Variants in NASP observed in about 807,000 individuals in gnomAD.
The protein encoded by NASP is nuclear autoantigenic sperm protein.
A neutral mutation model predicts 89.5 loss-of-function variants in NASP; 24 were observed. The ratio of observed to expected loss-of-function variants is 0.27; its 90% CI spans 0.19 to 0.38. The LOEUF is 0.38. Among genes scored for constraint, NASP ranks in the 10% least tolerant of loss-of-function variants. The probability of loss-of-function intolerance (pLI) is 1.00; values close to 1 mark genes in which losing one functional copy is unlikely to be tolerated. For missense variants in NASP, 848 were observed against 921.4 expected (o/e 0.92, Z 1.03); for synonymous variants, 306 against 324.7 (o/e 0.94, Z 0.62).
At chr1:45,584,601 GA>G (rs1423981911) in intron 1 of NASP, among the ~76,000 whole-genome samples, 1 of 140,876 alleles carries the variant, frequency 7.1e-6, no homozygotes, top group East Asian at 2.2e-4. Flanking sequence ...GATAACCCGG[GA>G]ATATAACCAA....
intron 1 of NASP, among the ~76,000 whole-genome samples, chr1:45,586,300 T>TGTG (rs1644548096): frequency 1.7e-5 from 2 of 116,674 alleles, no homozygotes; most frequent in Admixed American, 8.6e-5. Flanking sequence ...TGTGTGTGTG[T>TGTG]GTGTGTGTGG....
chr1:45,604,262 C>T (rs1357883798), intron 3 of NASP, among the ~76,000 whole-genome samples: 2 of 152,160 alleles, frequency 1.3e-5, no homozygotes, highest in Non-Finnish European at 2.9e-5. Flanking sequence ...AGTACTTTCT[C>T]CTTTTGTTCA....
At chr1:45,590,743 T>A (rs1643526725) in intron 1 of NASP, among the ~76,000 whole-genome samples, 1 of 150,322 alleles carries the variant, frequency 6.7e-6, no homozygotes, top group South Asian at 2.1e-4. Flanking sequence ...GACATTGTAT[T>A]TAAAAAAACC....
At chr1:45,595,129 TTGTGTGTGTGTGTGTGTGTGTGTGTG>T (rs57391869) in intron 2 of NASP, among the ~76,000 whole-genome samples, 140 of 111,868 alleles carry the variant, frequency 1.3e-3, no homozygotes, top group Middle Eastern at 9.1e-3. Flanking sequence ...AGACTAAGTT[TTGTGTGTGTGTGTGTGTGTGTGTGTG>T]TGTGTGTGTG....
chr1:45,597,398 A>G (rs927732195), intron 2 of NASP, among the ~76,000 whole-genome samples: 1 of 147,994 alleles, frequency 6.8e-6, no homozygotes, highest in African/African-American at 2.5e-5. Context: ...CTGTTTAAAT[A>G]TTCTGTTTCC....
At chr1:45,617,215 C>T in intron 13 of NASP, 1 of 425,034 alleles carries the variant, frequency 2.4e-6, no homozygotes, top group Admixed American at 4.2e-5. Context: ...GATTACCATT[C>T]ACATCTCCTC....
intron 2 of NASP, 93 bp from the exon 3 acceptor site, chr1:45,602,162 T>G (rs1643862660): frequency 6.8e-7 from 1 of 1,471,744 alleles, no homozygotes. Context: ...TCCAAAAGTT[T>G]TAAAAAATGA....
Position 45,614,286 on chromosome 1 carries a change from C to A in NASP, c.1593-7C>A, listed in dbSNP as rs368483764. On this transcript the variant is annotated splice_region_variant and splice_polypyrimidine_tract_variant and intron_variant, in intron 8 of 14. Transcript: ENST00000350030. ...TTAAGGTTTTTGATCAATTTTCCTTCTTTTAGGCAAGAAACAAAAGAAGCA... is the reference window on the plus strand; with the variant it reads ...TTAAGGTTTTTGATCAATTTTCCTTATTTTAGGCAAGAAACAAAAGAAGCA... 108 of 1,613,474 alleles carry A rather than the reference C, an allele frequency of 6.7e-5. No homozygotes were observed. Among genetic ancestry groups the A allele is most frequent in the Non-Finnish European group, 8.6e-5 (101 of 1,179,522 alleles).
chr1:45,585,544 T>C (rs750639797), intron 1 of NASP, among the ~76,000 whole-genome samples: 4 of 152,210 alleles, frequency 2.6e-5, no homozygotes, highest in Admixed American at 1.3e-4. Context: ...TCCCCATTGA[T>C]TCGATATAAG....
At chr1:45,616,581 T>TC (rs764950008) in intron 12 of NASP, 45 bp from the exon 13 acceptor site, 3 of 1,583,134 alleles carry the variant, frequency 1.9e-6, no homozygotes, top group Non-Finnish European at 2.6e-6. Context: ...TCAGCATTGA[T>TC]CTCATATAGC....
chr1:45,613,955 T>C, intron 7 of NASP, 141 bp from the exon 8 acceptor site: 1 of 636,034 alleles, frequency 1.6e-6, no homozygotes, highest in Non-Finnish European at 2.8e-6. Flanking sequence ...TAAGACAGTA[T>C]GTGGACCCAT....
chr1:45,616,229 C>T, intron 11 of NASP, 108 bp from the exon 12 acceptor site: 1 of 1,009,354 alleles, frequency 9.9e-7, no homozygotes, highest in Non-Finnish European at 1.6e-6. Context: ...AGGCCACTAG[C>T]ATTTCAGGTC....
In NASP at chr1:45,615,376, A is replaced by G. The variant is rs372646715; in HGVS notation, c.1927A>G (p.Lys643Glu). Reference sequence around the variant, plus strand: ...ATACAAGAAAGAAATTGAGGAACTAAAGGAACTGCTACCCGAAATTAGAGA... The same window carrying G: ...ATACAAGAAAGAAATTGAGGAACTAGAGGAACTGCTACCCGAAATTAGAGA... ...AEYKKEIEEL[K>E]ELLPEIREKI... The change falls in exon 11 of 15, where the codon AAG becomes GAG. Residue 643 changes from lysine to glutamate, a missense_variant. Around this residue, in one of 5 missense-constraint regions of NASP, gnomAD observed 218 missense variants for 219.6 expected, o/e 0.99. Transcript: ENST00000350030. 9.9e-6 allele frequency: 16 copies of G among 1,614,100 alleles called. No homozygotes were observed. The African/African-American group carries it at 1.9e-4, about 19-fold the overall frequency.
chr1:45,607,047 T>C (rs534785007), intron 5 of NASP, among the ~76,000 whole-genome samples: 147 of 152,280 alleles, frequency 9.7e-4, no homozygotes, highest in African/African-American at 3.3e-3. Flanking sequence ...TGGGGGAGAA[T>C]GAAAAGCTTG....
chr1:45,588,693 C>A (rs1437598520), intron 1 of NASP: 1 of 430,528 alleles, frequency 2.3e-6, no homozygotes, highest in East Asian at 8.0e-5. Flanking sequence ...TAATCCAGCA[C>A]TTTGGGAGGC....
chr1:45,616,213 A>G (rs1644102722), intron 11 of NASP, 124 bp from the exon 12 acceptor site: 2 of 852,408 alleles, frequency 2.3e-6, no homozygotes, highest in African/African-American at 1.7e-5. Context: ...ACTGGATACT[A>G]TATGGAGGCC....
rs1256248276 is a variant in NASP, at chr1:45,607,488, G to C, written c.577G>C (p.Glu193Gln). The C allele has an allele frequency of 1.2e-6, 2 of 1,613,942 alleles. No individual in the cohort carries two copies. The highest frequency in any genetic ancestry group is 3.3e-5 in the Admixed American group (2 of 60,012). Residue 193 changes from glutamate (E) to glutamine (Q), a missense_variant, in exon 6 of 15, where the codon GAG becomes CAG. This residue lies in a region of NASP where 464 missense variants were observed against 469.4 expected (regional missense o/e 0.99). Coordinates refer to ENST00000350030, the MANE Select transcript of NASP (RefSeq NM_002482.4). ...REDMDISKSAEEPQEKVDLTL... is the reference protein window; with the variant it reads ...REDMDISKSAQEPQEKVDLTL... ...AGATATGGATATAAGTAAATCTGCAGAGGAGCCACAGGAAAAAGTTGACTT... is the reference window on the plus strand; with the variant it reads ...AGATATGGATATAAGTAAATCTGCACAGGAGCCACAGGAAAAAGTTGACTT...
intron 2 of NASP, among the ~76,000 whole-genome samples, chr1:45,596,393 C>G (rs966490811): frequency 6.6e-6 from 1 of 152,186 alleles, no homozygotes; most frequent in African/African-American, 2.4e-5. Flanking sequence ...CCCCTGGCAA[C>G]CACCATTCTG....
intron 6 of NASP, among the ~76,000 whole-genome samples, chr1:45,609,056 G>C (rs1211836175): frequency 1.3e-5 from 2 of 151,834 alleles, no homozygotes; most frequent in African/African-American, 2.4e-5. Context: ...CTGAATTTTT[G>C]TTACTTAGAA....
Sources: gnomAD v4.1 joint callset for allele counts (sites outside exome capture counted in the v4.1 genomes callset) on GRCh38, gnomAD v4.1.1 for gene constraint, gnomAD v4.1.1 regional missense constraint, MANE v1.5 for transcripts, NCBI Gene and HGNC (gene_info 2026-07-23, HGNC 2026-07-21) for gene names.